The following CACNA1C variants were observed in gnomAD, a reference collection of about 807,000 sequenced individuals.
CACNA1C encodes voltage-dependent L-type calcium channel subunit alpha-1C.
CACNA1C carries 30 observed loss-of-function variants against 229.0 expected under a neutral mutation model. That is an observed-to-expected ratio of 0.13 (90% CI 0.10 to 0.18). The LOEUF is 0.18. Ranked by LOEUF, CACNA1C falls within the 10% of genes least tolerant of loss-of-function variation. CACNA1C has a pLI of 1.00. For synonymous variants in CACNA1C, 1,114 were observed against 1,132.5 expected (o/e 0.98, Z 0.33); for missense variants, 1,658 against 2,845.0 (o/e 0.58, Z 9.49).
At chr12:2,185,647 T>C (rs1409826592) in intron 3 of CACNA1C, among the ~76,000 whole-genome samples, 1 of 152,210 alleles carries the variant, frequency 6.6e-6, no homozygotes, top group African/African-American at 2.4e-5. Flanking sequence ...CTGCAAGCCA[T>C]GGCGGGAGGC....
chr12:2,415,919 G>A (rs1045696042), intron 3 of CACNA1C, among the ~76,000 whole-genome samples: 1 of 151,992 alleles, frequency 6.6e-6, no homozygotes, highest in African/African-American at 2.4e-5. Flanking sequence ...TCTCTTATGC[G>A]CTGGGTGACT....
At chr12:2,193,717 T>G (rs557701708) in intron 3 of CACNA1C, among the ~76,000 whole-genome samples, 38 of 152,314 alleles carry the variant, frequency 2.5e-4, no homozygotes, top group African/African-American at 9.1e-4. Context: ...CCTTGACAGG[T>G]CTGTCTGGCC....
At chr12:1,996,720 CT>C (rs1221590640) in intron 1 of CACNA1C, among the ~76,000 whole-genome samples, 1 of 143,914 alleles carries the variant, frequency 6.9e-6, no homozygotes, top group Non-Finnish European at 1.5e-5. Context: ...TCAAAGCCAT[CT>C]TGGGCCACGT....
intron 3 of CACNA1C, among the ~76,000 whole-genome samples, chr12:2,198,413 C>A (rs900530633): frequency 3.3e-5 from 5 of 152,122 alleles, no homozygotes; most frequent in Non-Finnish European, 7.4e-5. Flanking sequence ...TAAATGTGTT[C>A]CTCCGGCATG....
intron 1 of CACNA1C, among the ~76,000 whole-genome samples, chr12:2,083,587 T>A (rs933837038): frequency 6.6e-6 from 1 of 152,230 alleles, no homozygotes; most frequent in African/African-American, 2.4e-5. Flanking sequence ...CAGCTGTAGA[T>A]TGGTGATATT....
At chr12:2,080,207 A>G (rs971602807) in intron 1 of CACNA1C, among the ~76,000 whole-genome samples, 2 of 152,122 alleles carry the variant, frequency 1.3e-5, no homozygotes, top group Non-Finnish European at 2.9e-5. Context: ...GGTTACAGTG[A>G]GCTGAGATTG....
intron 1 of CACNA1C, among the ~76,000 whole-genome samples, chr12:1,972,925 G>GTGAAAAC (rs2032967189): frequency 1.3e-5 from 2 of 152,160 alleles, no homozygotes; most frequent in South Asian, 2.1e-4. Context: ...GTAAACACTC[G>GTGAAAAC]AGCAGCAATG....
At chr12:2,550,693 G>T (rs757146782) in intron 10 of CACNA1C, 5 of 1,317,498 alleles carry the variant, frequency 3.8e-6, no homozygotes, top group South Asian at 1.2e-5. Context: ...TGCTCCACCT[G>T]GGGGGCGGGG....
chr12:2,321,016 T>C (rs1272350830), intron 3 of CACNA1C, among the ~76,000 whole-genome samples: 2 of 152,236 alleles, frequency 1.3e-5, no homozygotes, highest in Non-Finnish European at 2.9e-5. Flanking sequence ...AGGCAATGGA[T>C]GGCTGAGGCT....
intron 3 of CACNA1C, among the ~76,000 whole-genome samples, chr12:2,284,294 T>C (rs1156705824): frequency 8.4e-6 from 1 of 119,506 alleles, no homozygotes; most frequent in Non-Finnish European, 1.8e-5. Flanking sequence ...GACCTCTAGA[T>C]TTTTTTTTTT....
intron 3 of CACNA1C, among the ~76,000 whole-genome samples, chr12:2,351,221 C>T (rs1176696702): frequency 2.0e-5 from 3 of 152,178 alleles, no homozygotes; most frequent in African/African-American, 7.2e-5. Context: ...GCAGTCACGC[C>T]GTACCCCCAG....
chr12:2,130,179 C>T (rs1395312802), intron 3 of CACNA1C, among the ~76,000 whole-genome samples: 1 of 140,992 alleles, frequency 7.1e-6, no homozygotes, highest in Non-Finnish European at 1.5e-5. Flanking sequence ...CCTCGACTAC[C>T]CCATGAGACC....
chr12:2,572,636 T>C, intron 13 of CACNA1C, among the ~76,000 whole-genome samples: 1 of 131,064 alleles, frequency 7.6e-6, no homozygotes, highest in South Asian at 2.7e-4. Context: ...CCTCTCCTCC[T>C]CCTTCTCCTC....
intron 3 of CACNA1C, among the ~76,000 whole-genome samples, chr12:2,205,294 C>T (rs1369022632): frequency 6.6e-6 from 1 of 152,186 alleles, no homozygotes; most frequent in African/African-American, 2.4e-5. Context: ...GCCAGGTGTC[C>T]ACACTTGGCT....
At chr12:2,027,069 A>AT (rs528222495) in intron 1 of CACNA1C, among the ~76,000 whole-genome samples, 5 of 152,060 alleles carry the variant, frequency 3.3e-5, no homozygotes, top group Non-Finnish European at 7.4e-5. Context: ...TAAAATGGTT[A>AT]TTTTTTTGTT....
At chr12:2,670,968 T>G (rs1398678838) in intron 38 of CACNA1C, among the ~76,000 whole-genome samples, 1 of 149,904 alleles carries the variant, frequency 6.7e-6, no homozygotes. Context: ...TCACTCAATC[T>G]GAAATGGGTG....
chr12:2,121,168 C>T (rs1170290065), intron 3 of CACNA1C, among the ~76,000 whole-genome samples: 3 of 152,216 alleles, frequency 2.0e-5, no homozygotes, highest in South Asian at 2.1e-4. Flanking sequence ...GGGAAAATCC[C>T]GTCTCTTTCT....
chr12:2,379,674 A>G (rs2098177855), intron 3 of CACNA1C, among the ~76,000 whole-genome samples: 1 of 152,144 alleles, frequency 6.6e-6, no homozygotes, highest in African/African-American at 2.4e-5. Context: ...AGTCATCTGG[A>G]AGTGACATTG....
At chr12:2,205,970 C>A (rs760035776) in intron 3 of CACNA1C, among the ~76,000 whole-genome samples, 2 of 152,164 alleles carry the variant, frequency 1.3e-5, no homozygotes, top group African/African-American at 4.8e-5. Context: ...TAATTGCCTA[C>A]GAAAGCCCCT....
Sources: allele counts gnomAD v4.1 joint callset (sites outside exome capture counted in the v4.1 genomes callset), GRCh38; gene constraint gnomAD v4.1.1; transcripts MANE v1.5; gene names NCBI Gene and HGNC (gene_info 2026-07-23, HGNC 2026-07-21).